JAZF1: variants seen among roughly 807,000 people sequenced by gnomAD.
JAZF1 encodes the protein juxtaposed with another zinc finger protein 1.
A neutral mutation model predicts 26.4 loss-of-function variants in JAZF1; 8 were observed. The ratio of observed to expected loss-of-function variants is 0.30; its 90% CI spans 0.18 to 0.55. The LOEUF is 0.55. Among genes scored for constraint, JAZF1 ranks in the 20% least tolerant of loss-of-function variants. The pLI is 0.94. For synonymous variants in JAZF1, 126 were observed against 122.3 expected, an observed-to-expected ratio of 1.03 and a Z score of -0.20; for missense variants, 199 against 322.0, an observed-to-expected ratio of 0.62 and a Z score of 2.92.
chr7:27,845,083 T>C (rs1386649248), intron 3 of JAZF1, among the ~76,000 whole-genome samples: 2 of 152,242 alleles, frequency 1.3e-5, no homozygotes, highest in Admixed American at 6.5e-5. Flanking sequence ...GAAATGTTAA[T>C]TTCCATACAA....
intron 1 of JAZF1, among the ~76,000 whole-genome samples, chr7:28,009,241 C>G (rs917941053): frequency 9.7e-5 from 14 of 143,640 alleles, no homozygotes; most frequent in African/African-American, 3.6e-4. Flanking sequence ...AACATACTTT[C>G]AAAAAAAAAA....
chr7:28,009,061 G>A (rs1782751436), intron 1 of JAZF1, among the ~76,000 whole-genome samples: 1 of 152,154 alleles, frequency 6.6e-6, no homozygotes, highest in South Asian at 2.1e-4. Flanking sequence ...AGACCTCTGG[G>A]ATTTGGTAAA....
chr7:27,962,065 C>A (rs1327286962), intron 2 of JAZF1, among the ~76,000 whole-genome samples: 1 of 152,158 alleles, frequency 6.6e-6, no homozygotes, highest in Admixed American at 6.5e-5. Context: ...AAATAGTGAT[C>A]ATAAACACTC....
intron 1 of JAZF1, among the ~76,000 whole-genome samples, chr7:28,121,130 G>A (rs1209037769): frequency 9.0e-5 from 13 of 144,432 alleles, no homozygotes; most frequent in Non-Finnish European, 1.8e-4. Flanking sequence ...AATCTGGGAG[G>A]CAGAAATTGC....
At chr7:27,893,823 G>A (rs941336870) in intron 3 of JAZF1, among the ~76,000 whole-genome samples, 2 of 152,202 alleles carry the variant, frequency 1.3e-5, no homozygotes, top group Non-Finnish European at 2.9e-5. Context: ...AGGAGGAACA[G>A]TGACTTAATG....
At chr7:27,896,380 T>C (rs1784063060) in intron 2 of JAZF1, among the ~76,000 whole-genome samples, 1 of 152,178 alleles carries the variant, frequency 6.6e-6, no homozygotes. Context: ...AGCTGCATTT[T>C]TGAAAATTGC....
intron 1 of JAZF1, among the ~76,000 whole-genome samples, chr7:28,014,917 C>T (rs1782859263): frequency 6.6e-6 from 1 of 152,160 alleles, no homozygotes; most frequent in African/African-American, 2.4e-5. Flanking sequence ...AGGATCAACC[C>T]TTACATTTGC....
chr7:28,022,481 GA>G (rs1783022910), intron 1 of JAZF1, among the ~76,000 whole-genome samples: 1 of 152,190 alleles, frequency 6.6e-6, no homozygotes, highest in African/African-American at 2.4e-5. Flanking sequence ...GACACTAGGG[GA>G]AGAAAATCTC....
At chr7:27,906,790 T>C (rs996968049) in intron 2 of JAZF1, among the ~76,000 whole-genome samples, 8 of 152,238 alleles carry the variant, frequency 5.3e-5, no homozygotes, top group African/African-American at 9.6e-5. Flanking sequence ...TCTACCCTCA[T>C]TGAATTGCAA....
chr7:28,121,514 T>C (rs1782605640), intron 1 of JAZF1, among the ~76,000 whole-genome samples: 1 of 152,220 alleles, frequency 6.6e-6, no homozygotes, highest in African/African-American at 2.4e-5. Context: ...TCCATGTGAT[T>C]TCCTCTCCAC....
At chr7:28,131,373 G>T (rs946381229) in intron 1 of JAZF1, among the ~76,000 whole-genome samples, 2 of 150,524 alleles carry the variant, frequency 1.3e-5, no homozygotes, top group Non-Finnish European at 2.9e-5. Flanking sequence ...TCTCCCTATT[G>T]CCCCATGTTA....
At chr7:28,042,030 G>A (rs1783401020) in intron 1 of JAZF1, among the ~76,000 whole-genome samples, 1 of 152,226 alleles carries the variant, frequency 6.6e-6, no homozygotes, top group African/African-American at 2.4e-5. Flanking sequence ...AAAGCCCTGG[G>A]TGCCTAAAAG....
At chr7:28,037,054 G>A (rs1006795267) in intron 1 of JAZF1, among the ~76,000 whole-genome samples, 12 of 152,194 alleles carry the variant, frequency 7.9e-5, no homozygotes, top group African/African-American at 2.4e-4. Context: ...TTACTGGGGT[G>A]CAGAGGGAAT....
intron 2 of JAZF1, among the ~76,000 whole-genome samples, chr7:27,983,237 T>C (rs768587137): frequency 6.6e-6 from 1 of 152,022 alleles, no homozygotes; most frequent in Non-Finnish European, 1.5e-5. Flanking sequence ...GAATAAATAG[T>C]GTAGAGAAAG....
At chr7:27,846,714 C>T (rs980413567) in intron 3 of JAZF1, among the ~76,000 whole-genome samples, 10 of 152,102 alleles carry the variant, frequency 6.6e-5, no homozygotes, top group East Asian at 1.9e-4. Context: ...CTTAGTGATG[C>T]GCACCTTTTC....
In JAZF1 at chr7:28,048,998, T is replaced by TC. The variant is rs764986404; in HGVS notation, c.116-57018dup. ...CCTTCCCTTCCTTCCCTTCCTTCCT[T>TC]CCCTTCCTTCCTCCCTCCCTCCCTT... On this transcript the variant is annotated intron_variant, in intron 1 of 4. Transcript: ENST00000283928. 4.5e-3 allele frequency among the ~76,000 whole-genome samples: 631 copies of TC among 140,748 alleles called. 4 individuals carry two copies. The highest frequency in any genetic ancestry group is 7.7e-3 in the Non-Finnish European group (503 of 64,970). 92.3% of individuals were successfully genotyped at this position (140,748 alleles called of 152,430 possible). A position where few individuals can be genotyped will look rare whatever the true frequency, so the allele number is the denominator to read the frequency against.
At chr7:28,061,219 TTATTAC>T (rs147983585) in intron 1 of JAZF1, among the ~76,000 whole-genome samples, 13 of 152,288 alleles carry the variant, frequency 8.5e-5, no homozygotes, top group African/African-American at 2.6e-4. Flanking sequence ...CAAGGCATTA[TTATTAC>T]TATTACTATT....
chr7:28,034,113 A>T (rs941833034), intron 1 of JAZF1, among the ~76,000 whole-genome samples: 2 of 152,202 alleles, frequency 1.3e-5, no homozygotes, highest in African/African-American at 2.4e-5. Flanking sequence ...TCTAAAAAAA[A>T]ATTATCTTTT....
intron 3 of JAZF1, among the ~76,000 whole-genome samples, chr7:27,863,190 C>T (rs116753734): frequency 0.013 from 1,939 of 152,338 alleles, 36 homozygotes; most frequent in African/African-American, 0.043. Flanking sequence ...ACGGCTACTT[C>T]GTTGTCTATT....
Sources: gnomAD v4.1 joint callset for allele counts (sites outside exome capture counted in the v4.1 genomes callset) on GRCh38, gnomAD v4.1.1 for gene constraint, MANE v1.5 for transcripts, NCBI Gene and HGNC (gene_info 2026-07-23, HGNC 2026-07-21) for gene names.